Variants in VPS13B observed in about 807,000 individuals in gnomAD.
VPS13B encodes the protein vacuolar protein sorting 13 homolog B, also known as intermembrane lipid transfer protein VPS13B.
Under a neutral mutation model 426.4 loss-of-function variants are expected in VPS13B, and 285 were observed. The observed-to-expected ratio is 0.67, with a 90% CI of 0.61 to 0.74. VPS13B has a LOEUF of 0.74. Ranked by LOEUF, VPS13B falls within the 30% of genes least tolerant of loss-of-function variation. The pLI, the probability that VPS13B is intolerant of heterozygous loss-of-function variation, is 0.00. For missense variants in VPS13B, 4,537 were observed against 4,782.6 expected, an observed-to-expected ratio of 0.95 and a Z score of 1.51; for synonymous variants, 1,676 against 1,676.4, an observed-to-expected ratio of 1.00 and a Z score of 0.01.
At chr8:99,485,331 GTTAT>G (rs1820246604) in intron 25 of VPS13B, among the ~76,000 whole-genome samples, 1 of 152,126 alleles carries the variant, frequency 6.6e-6, no homozygotes, top group Non-Finnish European at 1.5e-5. Flanking sequence ...GTGTAACAAT[GTTAT>G]TTAAATTCAT....
chr8:99,366,807 T>C (rs1011733884), intron 19 of VPS13B, among the ~76,000 whole-genome samples: 1 of 152,162 alleles, frequency 6.6e-6, no homozygotes, highest in Non-Finnish European at 1.5e-5. Flanking sequence ...TACTATCTTA[T>C]AACGCATTAT....
intron 23 of VPS13B, among the ~76,000 whole-genome samples, chr8:99,456,995 T>G (rs1324691968): frequency 6.6e-6 from 1 of 152,108 alleles, no homozygotes; most frequent in Non-Finnish European, 1.5e-5. Flanking sequence ...CAGATTTTCT[T>G]CCTTCTTTAG....
intron 29 of VPS13B, 34 bp from the exon 30 acceptor site, chr8:99,520,865 C>T: frequency 6.5e-7 from 1 of 1,540,862 alleles, no homozygotes. Context: ...TACAGATCCA[C>T]AGTGTATTCA....
chr8:99,857,628 C>T (rs965662544), intron 56 of VPS13B, among the ~76,000 whole-genome samples: 2 of 152,138 alleles, frequency 1.3e-5, no homozygotes, highest in Non-Finnish European at 2.9e-5. Context: ...GGACTGTGAG[C>T]AGTTGGCTTA....
At chr8:99,536,050 A>G (rs905039205) in intron 30 of VPS13B, among the ~76,000 whole-genome samples, 8 of 151,914 alleles carry the variant, frequency 5.3e-5, no homozygotes, top group Non-Finnish European at 1.2e-4. Flanking sequence ...CCCAGGTTCA[A>G]GCAATTCTCC....
chr8:99,835,852 T>C, intron 54 of VPS13B, 114 bp downstream of exon 54: 1 of 1,077,808 alleles, frequency 9.3e-7, no homozygotes. Context: ...CTTTTCTCTG[T>C]GTGAGAGAAC....
chr8:99,191,325 G>A (rs968339401), intron 16 of VPS13B, among the ~76,000 whole-genome samples: 2 of 146,370 alleles, frequency 1.4e-5, no homozygotes, highest in African/African-American at 5.0e-5. Flanking sequence ...TTGCTTGATA[G>A]TGTCCCACGT....
intron 33 of VPS13B, among the ~76,000 whole-genome samples, chr8:99,594,582 T>C (rs1826895616): frequency 6.6e-6 from 1 of 152,040 alleles, no homozygotes; most frequent in African/African-American, 2.4e-5. Context: ...GCTTAATGTT[T>C]TTGAGCTTGA....
At chr8:99,643,486 G>A (rs1829452314) in intron 34 of VPS13B, among the ~76,000 whole-genome samples, 1 of 152,168 alleles carries the variant, frequency 6.6e-6, no homozygotes, top group African/African-American at 2.4e-5. Context: ...TTCAGCCTGA[G>A]GAAATAGGAT....
intron 35 of VPS13B, among the ~76,000 whole-genome samples, chr8:99,668,174 G>T (rs1830561352): frequency 6.6e-6 from 1 of 151,670 alleles, no homozygotes; most frequent in Admixed American, 6.6e-5. Flanking sequence ...CTTTAATGAA[G>T]GGTATAGTAA....
At chr8:99,168,132 CAT>C (rs1812117221) in intron 15 of VPS13B, among the ~76,000 whole-genome samples, 1 of 152,108 alleles carries the variant, frequency 6.6e-6, no homozygotes, top group South Asian at 2.1e-4. Context: ...AAATATGACT[CAT>C]AATAATTTGG....
At chr8:99,756,027 T>C (rs990994463) in intron 39 of VPS13B, among the ~76,000 whole-genome samples, 1 of 152,104 alleles carries the variant, frequency 6.6e-6, no homozygotes, top group Non-Finnish European at 1.5e-5. Flanking sequence ...GATGTTGGAC[T>C]TATTAGACAA....
Position 99,337,141 on chromosome 8 carries a change from A to C in VPS13B, c.2825-47067A>C, listed in dbSNP as rs530885283. Among the ~76,000 whole-genome samples the C allele has an allele frequency of 6.1e-3, 932 of 152,230 alleles. 9 individuals are homozygous for C. Among genetic ancestry groups the C allele is most frequent in the African/African-American group, 0.02 (851 of 41,548 alleles). ...ATGTCCAACAACGATAGACTGGATT[A>C]AGAAAATGTGGCACATATACACCAT... On this transcript the variant is annotated intron_variant, in intron 19 of 61. Coordinates refer to ENST00000357162, the MANE Select transcript of VPS13B (RefSeq NM_152564.5).
intron 3 of VPS13B, among the ~76,000 whole-genome samples, chr8:99,062,447 G>A (rs1216569791): frequency 6.6e-6 from 1 of 151,940 alleles, no homozygotes; most frequent in Non-Finnish European, 1.5e-5. Context: ...GAAGAGCATG[G>A]GCCCTGAAAA....
intron 19 of VPS13B, among the ~76,000 whole-genome samples, chr8:99,285,970 A>G (rs7832780): frequency 0.74 from 112,759 of 151,998 alleles, 42,488 homozygotes; most frequent in South Asian, 0.87. Context: ...TTTACTGAGG[A>G]TATTTCTGTT....
intron 3 of VPS13B, among the ~76,000 whole-genome samples, chr8:99,075,983 G>C (rs1845099164): frequency 6.6e-6 from 1 of 151,752 alleles, no homozygotes; most frequent in South Asian, 2.1e-4. Context: ...CTACTTTTTT[G>C]TTGTAGGCAT....
chr8:99,647,667 TTAAC>T (rs1829643805), intron 34 of VPS13B, among the ~76,000 whole-genome samples: 1 of 152,138 alleles, frequency 6.6e-6, no homozygotes, highest in African/African-American at 2.4e-5. Flanking sequence ...AAGGTTTTAT[TTAAC>T]TAATAATTTA....
intron 17 of VPS13B, among the ~76,000 whole-genome samples, chr8:99,263,434 C>T (rs1442358074): frequency 1.8e-4 from 27 of 152,128 alleles, no homozygotes; most frequent in Non-Finnish European, 4.4e-5. Flanking sequence ...TATTTTCTTG[C>T]AATTACGTAG....
At chr8:99,545,055 C>T (rs1371423426) in intron 30 of VPS13B, among the ~76,000 whole-genome samples, 2 of 152,120 alleles carry the variant, frequency 1.3e-5, no homozygotes, top group Admixed American at 1.3e-4. Flanking sequence ...ATATAGAGTA[C>T]AAGAAAATGC....
Sources: allele counts gnomAD v4.1 joint callset (sites outside exome capture counted in the v4.1 genomes callset), GRCh38; gene constraint gnomAD v4.1.1; transcripts MANE v1.5; gene names NCBI Gene and HGNC (gene_info 2026-07-23, HGNC 2026-07-21).